Variants in TBC1D2B observed in about 807,000 individuals in gnomAD.
TBC1D2B encodes the protein TBC1 domain family, member 2B.
A neutral mutation model predicts 100.8 loss-of-function variants in TBC1D2B; 64 were observed. The observed-to-expected ratio is 0.64, with a 90% CI of 0.52 to 0.78. TBC1D2B has a LOEUF of 0.78. Among genes scored for constraint, TBC1D2B ranks in the 30% least tolerant of loss-of-function variants. The probability of loss-of-function intolerance (pLI) is 0.00; values close to 1 mark genes in which losing one functional copy is unlikely to be tolerated. For synonymous variants in TBC1D2B, 480 were observed against 479.7 expected, an observed-to-expected ratio of 1.00 and a Z score of -0.01; for missense variants, 1,052 against 1,218.4, an observed-to-expected ratio of 0.86 and a Z score of 2.03.
At position 78,070,464 on chromosome 15, in the gene TBC1D2B, C is replaced by T. The variant is rs60430205; in HGVS notation, c.360+6829G>A. Among the ~76,000 whole-genome samples the T allele has an allele frequency of 3.7e-3, 570 of 152,326 alleles. 4 individuals are homozygous for T. The highest frequency in any genetic ancestry group is 0.013 in the African/African-American group (544 of 41,568). On this transcript the variant is annotated intron_variant, in intron 1 of 12. Transcript: ENST00000300584. ...GTCTGTCCCCCCCACCTACTGAAAG[C>T]TCCAGGAGGACAGGGACTGTTTGTC...
chr15:78,059,840 T>G (rs2073506460), intron 1 of TBC1D2B, among the ~76,000 whole-genome samples: 1 of 152,136 alleles, frequency 6.6e-6, no homozygotes, highest in South Asian at 2.1e-4. Context: ...ACAAGTTAAC[T>G]GATTTCAATA....
intron 1 of TBC1D2B, among the ~76,000 whole-genome samples, chr15:78,058,702 G>A (rs872926): frequency 0.14 from 21,672 of 152,202 alleles, 1,818 homozygotes; most frequent in Non-Finnish European, 0.19. Flanking sequence ...AGTGAGGACC[G>A]GGAAGGATCA....
At chr15:78,058,309 A>G (rs971742256) in intron 1 of TBC1D2B, among the ~76,000 whole-genome samples, 5 of 152,210 alleles carry the variant, frequency 3.3e-5, no homozygotes, top group Non-Finnish European at 2.9e-5. Flanking sequence ...AGCCAAGGGC[A>G]TGGGGTCCAC....
chr15:78,045,555 T>C (rs966929084), intron 2 of TBC1D2B, among the ~76,000 whole-genome samples: 20 of 140,332 alleles, frequency 1.4e-4, no homozygotes, highest in Non-Finnish European at 2.7e-4. Context: ...AGTGAAAAAA[T>C]AAAGTTTGCA....
chr15:78,040,888 G>GAAAGAAAGAA (rs1567026304), intron 3 of TBC1D2B, among the ~76,000 whole-genome samples: 1 of 122,398 alleles, frequency 8.2e-6, no homozygotes, highest in Non-Finnish European at 1.7e-5. Context: ...GAAAGAGAGA[G>GAAAGAAAGAA]AGAGAGAAAG....
At chr15:78,003,871 C>A (rs1437289795) in intron 10 of TBC1D2B, among the ~76,000 whole-genome samples, 4 of 152,206 alleles carry the variant, frequency 2.6e-5, no homozygotes, top group African/African-American at 9.7e-5. Flanking sequence ...GGGCCACAAA[C>A]TAGAATCCTG....
At chr15:78,050,308 C>T (rs1487949245) in intron 2 of TBC1D2B, among the ~76,000 whole-genome samples, 1 of 152,224 alleles carries the variant, frequency 6.6e-6, no homozygotes, top group Non-Finnish European at 1.5e-5. Context: ...ACTGTCTTCA[C>T]AATACAATTT....
chr15:78,006,131 T>C (rs2015951), intron 10 of TBC1D2B, among the ~76,000 whole-genome samples: 135,148 of 152,136 alleles, frequency 0.89, 60,741 homozygotes, highest in East Asian at 0.99. Flanking sequence ...TGGGTTGTGA[T>C]CTACTACATG....
At chr15:78,006,995 C>T (rs770020414) in intron 10 of TBC1D2B, among the ~76,000 whole-genome samples, 1 of 152,236 alleles carries the variant, frequency 6.6e-6, no homozygotes, top group Non-Finnish European at 1.5e-5. Flanking sequence ...GGCCTGCACC[C>T]GAGCAGCGGG....
At chr15:78,044,038 A>AC (rs2073143928) in intron 3 of TBC1D2B, among the ~76,000 whole-genome samples, 1 of 151,234 alleles carries the variant, frequency 6.6e-6, no homozygotes, top group Non-Finnish European at 1.5e-5. Flanking sequence ...AAAAAAAAAA[A>AC]AACCCACCAA....
chr15:78,027,613 C>T (rs1168926263), intron 4 of TBC1D2B, among the ~76,000 whole-genome samples: 1 of 152,194 alleles, frequency 6.6e-6, no homozygotes, highest in Non-Finnish European at 1.5e-5. Context: ...GCTAAGAAGG[C>T]TGTCATCCGT....
At chr15:78,073,175 C>G (rs2073767396) in intron 1 of TBC1D2B, among the ~76,000 whole-genome samples, 1 of 152,134 alleles carries the variant, frequency 6.6e-6, no homozygotes, top group East Asian at 1.9e-4. Flanking sequence ...AAAATCACAT[C>G]CCCTCTCTAG....
Position 78,030,595 on chromosome 15 carries a change from C to T in TBC1D2B, c.684-425G>A, listed in dbSNP as rs141728760. 6.6e-3 allele frequency among the ~76,000 whole-genome samples: 1,011 copies of T among 152,202 alleles called. 12 individuals are homozygous for T. The highest frequency in any genetic ancestry group is 0.024 in the African/African-American group (976 of 41,500). Reference sequence around the variant, plus strand: ...AAAGTGCTGGGATTACAGGCGTGAGCCACCTCACCCAATCGAAATGGGGAT... The same window carrying T: ...AAAGTGCTGGGATTACAGGCGTGAGTCACCTCACCCAATCGAAATGGGGAT... On this transcript the variant is annotated intron_variant, in intron 3 of 12. Coordinates refer to ENST00000300584, the MANE Select transcript of TBC1D2B (RefSeq NM_144572.2).
chr15:78,045,208 A>G (rs531550871), intron 2 of TBC1D2B, 140 bp from the exon 3 acceptor site: 28 of 715,134 alleles, frequency 3.9e-5, no homozygotes, highest in African/African-American at 3.0e-4. Flanking sequence ...CTACATAAAA[A>G]CATAATCTGT....
At position 77,999,983 on chromosome 15, in the gene TBC1D2B, T is replaced by C. The variant is rs558468489; in HGVS notation, c.2697-1628A>G. 2.4e-3 allele frequency among the ~76,000 whole-genome samples: 363 copies of C among 152,244 alleles called. 1 individual carries two copies. The highest frequency in any genetic ancestry group is 8.3e-3 in the African/African-American group (343 of 41,550). On this transcript the variant is annotated intron_variant, in intron 12 of 12. Coordinates refer to ENST00000300584, the MANE Select transcript of TBC1D2B (RefSeq NM_144572.2). ...GAATGCAGCTGACCACACAACTCCC[T>C]CCCTGTGTTTCTGAAGGCCGATCGC... is the stretch of plus-strand genomic sequence containing the variant.
intron 1 of TBC1D2B, among the ~76,000 whole-genome samples, chr15:78,074,695 A>T (rs1248135159): frequency 6.6e-6 from 1 of 152,166 alleles, no homozygotes; most frequent in Non-Finnish European, 1.5e-5. Flanking sequence ...CCCTCGCGAA[A>T]GAGCATACAT....
At chr15:78,034,614 C>T (rs1258866593) in intron 3 of TBC1D2B, 2 of 984,308 alleles carry the variant, frequency 2.0e-6, no homozygotes, top group Non-Finnish European at 2.4e-6. Flanking sequence ...AACTGCCACA[C>T]ACCCTCCTTC....
chr15:78,040,487 T>C (rs1025768934), intron 3 of TBC1D2B, among the ~76,000 whole-genome samples: 2 of 151,012 alleles, frequency 1.3e-5, no homozygotes, highest in African/African-American at 4.9e-5. Flanking sequence ...AGTTCAAGGG[T>C]TCAGTAAGCC....
At chr15:78,055,928 C>T (rs1470634790) in intron 1 of TBC1D2B, among the ~76,000 whole-genome samples, 12 of 152,130 alleles carry the variant, frequency 7.9e-5, no homozygotes, top group Non-Finnish European at 1.6e-4. Flanking sequence ...GACTGGAGAG[C>T]ACTGGGGAAG....
Sources: allele counts gnomAD v4.1 joint callset (sites outside exome capture counted in the v4.1 genomes callset), GRCh38; gene constraint gnomAD v4.1.1; transcripts MANE v1.5; gene names NCBI Gene and HGNC (gene_info 2026-07-23, HGNC 2026-07-21).